CSTPP1: variants seen among roughly 807,000 people sequenced by gnomAD.
CSTPP1 encodes centriolar satellite-associated tubulin polyglutamylase complex regulator 1.
chr11:47,160,791 T>C, the CSTPP1 span: 1 of 330,726 alleles, frequency 3.0e-6, no homozygotes, highest in Non-Finnish European at 5.7e-6. Flanking sequence ...CCATATCCTT[T>C]TCAGCCCAGT....
the CSTPP1 span, among the ~76,000 whole-genome samples, chr11:47,080,658 C>T: frequency 6.6e-6 from 1 of 152,006 alleles, no homozygotes; most frequent in Non-Finnish European, 1.5e-5. Context: ...CTATTATAAA[C>T]ATTATGCTTC....
chr11:46,987,251 G>C, the CSTPP1 span: 4 of 1,614,176 alleles, frequency 2.5e-6, no homozygotes, highest in South Asian at 3.3e-5. Flanking sequence ...CAGTGTGCCA[G>C]CTGCTAGAAA....
chr11:47,028,412 T>C, the CSTPP1 span, among the ~76,000 whole-genome samples: 1 of 152,222 alleles, frequency 6.6e-6, no homozygotes, highest in East Asian at 1.9e-4. Flanking sequence ...CAGCATGTTG[T>C]AATTTTGAAC....
chr11:47,113,830 A>G, the CSTPP1 span, among the ~76,000 whole-genome samples: 2 of 152,124 alleles, frequency 1.3e-5, no homozygotes, highest in South Asian at 2.1e-4. Flanking sequence ...TTCTTTTGCC[A>G]TGCATCAGCT....
the CSTPP1 span, among the ~76,000 whole-genome samples, chr11:47,026,054 C>T: frequency 1.3e-5 from 2 of 152,096 alleles, no homozygotes; most frequent in Non-Finnish European, 2.9e-5. Context: ...AACTCAGCTT[C>T]AGTAGCAGAA....
chr11:47,038,950 C>G, the CSTPP1 span, among the ~76,000 whole-genome samples: 4 of 123,280 alleles, frequency 3.2e-5, 1 homozygote. Context: ...GATGGGCCGC[C>G]GGGCAGAGAC....
the CSTPP1 span, among the ~76,000 whole-genome samples, chr11:46,997,129 G>T: frequency 6.6e-6 from 1 of 152,152 alleles, no homozygotes; most frequent in Non-Finnish European, 1.5e-5. Flanking sequence ...AAGTTCTCCT[G>T]GATAATATCC....
chr11:46,968,327 T>C, the CSTPP1 span, among the ~76,000 whole-genome samples: 1 of 147,424 alleles, frequency 6.8e-6, no homozygotes, highest in Non-Finnish European at 1.5e-5. Flanking sequence ...TTCTAGCAAA[T>C]GGCATAAATA....
chr11:47,157,205 C>T, the CSTPP1 span: 5 of 1,590,090 alleles, frequency 3.1e-6, no homozygotes, highest in South Asian at 2.3e-5. Flanking sequence ...CCTGTGTGAT[C>T]GGCACAAGTA....
chr11:46,939,631 CATAGATAGATAG>C, the CSTPP1 span, among the ~76,000 whole-genome samples: 3,129 of 116,934 alleles, frequency 0.027, 49 homozygotes, highest in Non-Finnish European at 0.044. Context: ...CTCTAAAATG[CATAGATAGATAG>C]ATAGATAGAT....
At chr11:47,048,560 T>A in the CSTPP1 span, among the ~76,000 whole-genome samples, 1 of 152,094 alleles carries the variant, frequency 6.6e-6, no homozygotes, top group Admixed American at 6.6e-5. Context: ...GACATTATTC[T>A]TAGTGAAATA....
chr11:46,962,879 A>G, the CSTPP1 span, among the ~76,000 whole-genome samples: 13 of 152,106 alleles, frequency 8.5e-5, no homozygotes, highest in South Asian at 2.1e-4. Context: ...ACCTGAACCT[A>G]GGAAGCTGAG....
chr11:46,961,394 C>G, the CSTPP1 span, among the ~76,000 whole-genome samples: 2 of 152,056 alleles, frequency 1.3e-5, no homozygotes, highest in Non-Finnish European at 2.9e-5. Context: ...AAATCTTTTG[C>G]CTCTTTTTAA....
the CSTPP1 span, chr11:47,157,884 T>G: frequency 6.2e-7 from 1 of 1,614,122 alleles, no homozygotes; most frequent in Non-Finnish European, 8.5e-7. Context: ...GGATTCCTCA[T>G]GGCTCTCTCA....
the CSTPP1 span, among the ~76,000 whole-genome samples, chr11:46,972,706 GAGA>G: frequency 1.3e-5 from 2 of 152,164 alleles, no homozygotes; most frequent in African/African-American, 2.4e-5. Context: ...TGCAGGATCT[GAGA>G]AGGAGACGGA....
At chr11:46,948,171 A>G in the CSTPP1 span, 15 of 456,174 alleles carry the variant, frequency 3.3e-5, no homozygotes, top group African/African-American at 3.0e-4. Context: ...ACACGTAAGT[A>G]GGCAACACAC....
At chr11:46,982,261 T>C in the CSTPP1 span, among the ~76,000 whole-genome samples, 1 of 152,120 alleles carries the variant, frequency 6.6e-6, no homozygotes, top group Admixed American at 6.5e-5. Context: ...TATTTATCAA[T>C]TTATTTATCA....
chr11:47,071,385 C>T, the CSTPP1 span, among the ~76,000 whole-genome samples: 1 of 152,130 alleles, frequency 6.6e-6, no homozygotes, highest in Non-Finnish European at 1.5e-5. Flanking sequence ...TTAGTTTTCT[C>T]ATCTATAAAA....
the CSTPP1 span, among the ~76,000 whole-genome samples, chr11:47,103,344 G>A: frequency 4.4e-4 from 66 of 150,562 alleles, no homozygotes; most frequent in African/African-American, 1.5e-3. Flanking sequence ...GGGTTGCAGT[G>A]AGCTGAGATC....
Sources: gnomAD v4.1 joint callset for allele counts (sites outside exome capture counted in the v4.1 genomes callset) on GRCh38, gnomAD v4.1.1 for gene constraint, MANE v1.5 for transcripts, NCBI Gene and HGNC (gene_info 2026-07-23, HGNC 2026-07-21) for gene names.